The following CATSPER2 variants were observed in gnomAD, a reference collection of about 807,000 sequenced individuals.
CATSPER2 encodes the protein cation channel sperm-associated protein 2.
Under a neutral mutation model 68.8 loss-of-function variants are expected in CATSPER2, and 56 were observed. The ratio of observed to expected loss-of-function variants is 0.81; its 90% confidence interval spans 0.66 to 1.02. CATSPER2 has a LOEUF of 1.02. Among genes scored for constraint, CATSPER2 ranks in the 50% least tolerant of loss-of-function variants. The pLI is 0.00. For missense variants in CATSPER2, 582 were observed against 642.0 expected (o/e 0.91, Z 1.01); for synonymous variants, 198 against 229.9 (o/e 0.86, Z 1.26).
intron 9 of CATSPER2, 146 bp from the exon 10 acceptor site, chr15:43,635,562 C>T (rs1213364422): frequency 9.3e-7 from 1 of 1,080,292 alleles, no homozygotes; most frequent in Non-Finnish European, 1.4e-6. Flanking sequence ...GAGGACACCC[C>T]ACAGTGGATG....
At chr15:43,632,041 G>A (rs1392590646) in intron 12 of CATSPER2, among the ~76,000 whole-genome samples, 158 bp downstream of exon 12, 1 of 151,912 alleles carries the variant, frequency 6.6e-6, no homozygotes, top group Non-Finnish European at 1.5e-5. Flanking sequence ...CCCAGAATGT[G>A]ACATACCAAA....
chr15:43,628,958 TC>T lies in CATSPER2; in HGVS notation c.*1742del, dbSNP rs1037082597. The T allele has an allele frequency of 6.8e-5, 10 of 147,644 alleles. No homozygotes were observed. In the East Asian group the frequency reaches 2.0e-3, roughly 29 times the overall value. 9.1% of individuals were successfully genotyped at this position (147,644 alleles called of 1,614,324 possible). A position where few individuals can be genotyped will look rare whatever the true frequency, so the allele number is the denominator to read the frequency against. Reference sequence around the variant, plus strand: ...AGCACTCCAGATGCTTCATGCTTCCTCCCCATCAGTATCTTCACTCCAAGAA... The same window carrying T: ...AGCACTCCAGATGCTTCATGCTTCCTCCCATCAGTATCTTCACTCCAAGAA... On this transcript the variant is annotated 3_prime_UTR_variant, in exon 13 of 13. Coordinates refer to ENST00000396879, the MANE Select transcript of CATSPER2 (RefSeq NM_172095.4).
At chr15:43,636,321 T>G in intron 7 of CATSPER2, 102 bp from the exon 8 acceptor site, 1 of 1,494,154 alleles carries the variant, frequency 6.7e-7, no homozygotes, top group Non-Finnish European at 9.2e-7. Flanking sequence ...TCTTTGTAGT[T>G]TGTTCTGATT....
intron 5 of CATSPER2, chr15:43,640,102 C>T (rs1179799808): frequency 1.0e-5 from 15 of 1,438,626 alleles, no homozygotes; most frequent in African/African-American, 2.9e-5. Flanking sequence ...GCTCAGTAAC[C>T]GGCAGATGCT....
At chr15:43,647,780 C>T (rs12909945) in intron 2 of CATSPER2, 137 bp downstream of exon 2, 3 of 985,480 alleles carry the variant, frequency 3.0e-6, no homozygotes, top group Admixed American at 1.9e-5. Context: ...TCTATCTCTT[C>T]AGTTTTATTT....
intron 10 of CATSPER2, chr15:43,633,986 C>T (rs1328761483): frequency 6.6e-6 from 1 of 151,384 alleles, no homozygotes; most frequent in Non-Finnish European, 1.5e-5. Flanking sequence ...AAACCTACAA[C>T]CCATTTGCAA....
At chr15:43,632,446 A>T in intron 11 of CATSPER2, 83 bp from the exon 12 acceptor site, 1 of 1,558,690 alleles carries the variant, frequency 6.4e-7, no homozygotes. Flanking sequence ...GTGTGGGTGG[A>T]AAGGTGGGGT....
intron 4 of CATSPER2, among the ~76,000 whole-genome samples, chr15:43,646,265 T>G (rs569492242): frequency 3.3e-5 from 5 of 150,664 alleles, no homozygotes; most frequent in Admixed American, 6.6e-5. Flanking sequence ...TCTAGTATAC[T>G]CTTGAGAGCC....
At chr15:43,647,615 T>C (rs140622661) in intron 2 of CATSPER2, 148 bp from the exon 3 acceptor site, 4 of 820,456 alleles carry the variant, frequency 4.9e-6, no homozygotes, top group Non-Finnish European at 8.4e-6. Flanking sequence ...GAATTCTGTT[T>C]GGAGTGAGAG....
At chr15:43,648,584 G>C (rs936133658) in intron 1 of CATSPER2, 45 bp downstream of exon 1, 8 of 1,366,358 alleles carry the variant, frequency 5.9e-6, no homozygotes, top group South Asian at 1.7e-5. Context: ...ACACTCCTTC[G>C]GGGGCTAGCT....
intron 12 of CATSPER2, among the ~76,000 whole-genome samples, chr15:43,631,930 C>A (rs979621786): frequency 2.6e-5 from 4 of 152,002 alleles, no homozygotes; most frequent in African/African-American, 9.7e-5. Context: ...ACTTTCTCTT[C>A]TTGGGAAATA....
intron 4 of CATSPER2, chr15:43,643,108 C>T (rs2086100379): frequency 6.6e-6 from 1 of 151,840 alleles, no homozygotes. Flanking sequence ...GGGTAGAGTT[C>T]ACCATGAACA....
rs190984251 is a variant in CATSPER2, at chr15:43,645,133, G to A, written c.388+1917C>T. 8.1e-4 allele frequency among the ~76,000 whole-genome samples: 123 copies of A among 151,978 alleles called. 5 individuals carry two copies. Among genetic ancestry groups the A allele is most frequent in the Non-Finnish European group, 1.4e-3 (92 of 67,962 alleles). ...GAGTTCCGTTGCATGATGGCTCACT[G>A]CAACCTCCGCCTCCCAGGCTCAAGC... On this transcript the variant is annotated intron_variant, in intron 4 of 12. Transcript: ENST00000396879.
At chr15:43,637,025 G>A (rs1232427053) in intron 7 of CATSPER2, among the ~76,000 whole-genome samples, 1 of 151,580 alleles carries the variant, frequency 6.6e-6, no homozygotes, top group Non-Finnish European at 1.5e-5. Flanking sequence ...GTTTCACCAT[G>A]TTGGCCAGGC....
chr15:43,643,216 A>G (rs1043680261), intron 4 of CATSPER2, among the ~76,000 whole-genome samples: 1 of 152,064 alleles, frequency 6.6e-6, no homozygotes, highest in Non-Finnish European at 1.5e-5. Flanking sequence ...CCAATATTAT[A>G]GGTGAGGAGA....
chr15:43,645,152 C>T (rs1283150657), intron 4 of CATSPER2, among the ~76,000 whole-genome samples: 2 of 151,976 alleles, frequency 1.3e-5, no homozygotes, highest in East Asian at 3.9e-4. Flanking sequence ...GCCTCCCAGG[C>T]TCAAGCGATC....
chr15:43,637,445 T>G (rs949289159), intron 7 of CATSPER2, among the ~76,000 whole-genome samples: 1 of 151,878 alleles, frequency 6.6e-6, no homozygotes, highest in Non-Finnish European at 1.5e-5. Flanking sequence ...ATCGAAAACA[T>G]GAGAGCTTTT....
In CATSPER2 at chr15:43,630,603, T is replaced by C; in HGVS notation, c.*98A>G. On this transcript the variant is annotated 3_prime_UTR_variant, in exon 13 of 13. Coordinates refer to ENST00000396879, the MANE Select transcript of CATSPER2 (RefSeq NM_172095.4). ...ACTTTTTAATTTTAATGAACAGACA[T>C]TGTTCTATCTGAATGTTTATATTTT... The C allele has an allele frequency of 6.2e-7, 1 of 1,606,846 alleles. No homozygotes were observed. Among genetic ancestry groups the C allele is most frequent in the East Asian group, 2.2e-5 (1 of 44,662 alleles).
At chr15:43,636,366 A>G (rs2085964188) in intron 7 of CATSPER2, 147 bp from the exon 8 acceptor site, 1 of 1,138,252 alleles carries the variant, frequency 8.8e-7, no homozygotes, top group African/African-American at 1.6e-5. Flanking sequence ...GTTTTTAGCT[A>G]ATCATTCTAT....
Sources: allele counts gnomAD v4.1 joint callset (sites outside exome capture counted in the v4.1 genomes callset), GRCh38; gene constraint gnomAD v4.1.1; transcripts MANE v1.5; gene names NCBI Gene and HGNC (gene_info 2026-07-23, HGNC 2026-07-21).